Variants in GIPC2 observed in about 807,000 individuals in gnomAD.
GIPC2 encodes PDZ domain-containing protein GIPC2.
GIPC2 carries 30 observed loss-of-function variants against 30.6 expected under a neutral mutation model. That is an observed-to-expected ratio of 0.98 (90% CI 0.73 to 1.33). The LOEUF is 1.33. Among genes scored for constraint, GIPC2 ranks in the 40% most tolerant of loss-of-function variants. GIPC2 has a pLI of 0.00. For synonymous variants in GIPC2, 167 were observed against 150.0 expected (o/e 1.11, Z -0.83); for missense variants, 414 against 390.3 (o/e 1.06, Z -0.51).
At chr1:78,089,374 C>T (rs753595365) in intron 2 of GIPC2, among the ~76,000 whole-genome samples, 20 of 152,232 alleles carry the variant, frequency 1.3e-4, no homozygotes, top group Non-Finnish European at 1.9e-4. Context: ...TATAATGACA[C>T]GCTTAAAATG....
intron 3 of GIPC2, among the ~76,000 whole-genome samples, chr1:78,103,053 A>G (rs1158286098): frequency 6.6e-6 from 1 of 152,202 alleles, no homozygotes; most frequent in Non-Finnish European, 1.5e-5. Flanking sequence ...CAACCAACCT[A>G]AAAGGTGAAG....
At chr1:78,119,733 C>T (rs1258917571) in intron 4 of GIPC2, among the ~76,000 whole-genome samples, 1 of 152,092 alleles carries the variant, frequency 6.6e-6, no homozygotes, top group East Asian at 1.9e-4. Context: ...GACAGCTGGA[C>T]TCTCTCAAAA....
chr1:78,056,623 T>C (rs1661302850), intron 1 of GIPC2, among the ~76,000 whole-genome samples: 1 of 152,212 alleles, frequency 6.6e-6, no homozygotes, highest in Admixed American at 6.5e-5. Flanking sequence ...TTTTATTAAA[T>C]ATAACACAAG....
chr1:78,045,104 A>G, upstream of GIPC2: 1 of 977,480 alleles, frequency 1.0e-6, no homozygotes, highest in Non-Finnish European at 1.2e-6. Context: ...AGTAAGATAA[A>G]AACCTAAAAG....
At chr1:78,131,575 A>G (rs987513885) in intron 5 of GIPC2, among the ~76,000 whole-genome samples, 4 of 152,308 alleles carry the variant, frequency 2.6e-5, no homozygotes, top group Admixed American at 6.5e-5. Flanking sequence ...AAATAATCTT[A>G]GTGGCTATCT....
intron 1 of GIPC2, among the ~76,000 whole-genome samples, chr1:78,058,458 G>A (rs529881653): frequency 2.9e-4 from 44 of 152,100 alleles, no homozygotes; most frequent in Middle Eastern, 3.4e-3. Flanking sequence ...CACTCAGAGC[G>A]CTTATTAGGA....
upstream of GIPC2, chr1:78,045,948 C>T (rs1661058384): frequency 7.3e-7 from 1 of 1,369,570 alleles, no homozygotes; most frequent in African/African-American, 1.5e-5. Context: ...GAGGTCGGGG[C>T]CCTGACCCGA....
chr1:78,058,426 AT>A (rs909820227), intron 1 of GIPC2, among the ~76,000 whole-genome samples: 1 of 151,490 alleles, frequency 6.6e-6, no homozygotes. Flanking sequence ...CTTTTAACTG[AT>A]TTTTTTTTAA....
chr1:78,117,108 G>A (rs1280094293), intron 3 of GIPC2, among the ~76,000 whole-genome samples: 1 of 152,082 alleles, frequency 6.6e-6, no homozygotes. Context: ...TCTGACAAAG[G>A]GCTAATATGC....
intron 3 of GIPC2, among the ~76,000 whole-genome samples, chr1:78,103,933 T>G (rs1191912095): frequency 1.3e-5 from 2 of 152,214 alleles, no homozygotes; most frequent in African/African-American, 4.8e-5. Flanking sequence ...CATAAGGATA[T>G]TAGAGCTTTT....
rs76636149 is a variant in GIPC2, at chr1:78,135,847, T to A, written c.*104T>A. The stretch of plus-strand genomic sequence containing the variant: ...TTGGACACCTTTACTAACTCTGGTT[T>A]AATTTCATGTGTATGGAATATATTC... On this transcript the variant is annotated 3_prime_UTR_variant, in exon 6 of 6. Coordinates refer to ENST00000370759, the MANE Select transcript of GIPC2 (RefSeq NM_017655.6). 16,888 of 872,308 alleles carry A rather than the reference T, an allele frequency of 0.019. 233 individuals are homozygous for A. Among genetic ancestry groups the A allele is most frequent in the Middle Eastern group, 0.046 (167 of 3,624 alleles). The allele number at this position is 872,308 out of a possible 1,614,324, so 54.0% of individuals were successfully genotyped here.
At chr1:78,063,982 T>C (rs988941878) in intron 1 of GIPC2, among the ~76,000 whole-genome samples, 5 of 151,920 alleles carry the variant, frequency 3.3e-5, no homozygotes, top group African/African-American at 7.3e-5. Flanking sequence ...AAATAAGAGA[T>C]ATTAATGTTT....
intron 1 of GIPC2, among the ~76,000 whole-genome samples, chr1:78,070,979 C>T (rs2100325203): frequency 6.6e-6 from 1 of 152,212 alleles, no homozygotes; most frequent in South Asian, 2.1e-4. Context: ...GAGCTTTATA[C>T]AATATACTCA....
At chr1:78,075,021 G>T (rs760201078) in intron 1 of GIPC2, among the ~76,000 whole-genome samples, 10 of 152,186 alleles carry the variant, frequency 6.6e-5, no homozygotes, top group Non-Finnish European at 1.5e-4. Context: ...ATCCAACCCA[G>T]GATGGCTTGG....
intron 1 of GIPC2, among the ~76,000 whole-genome samples, chr1:78,066,704 T>C (rs1446210758): frequency 6.6e-6 from 1 of 152,150 alleles, no homozygotes; most frequent in Non-Finnish European, 1.5e-5. Flanking sequence ...TATGCAGCCA[T>C]AAAAAGAACA....
At chr1:78,045,405 GTC>G (rs1271443295), upstream of GIPC2, 1 of 224,214 alleles carries the variant, frequency 4.5e-6, no homozygotes, top group Non-Finnish European at 7.5e-6. Flanking sequence ...ATGAGGCAAG[GTC>G]CTCTGTAGAG....
At chr1:78,072,316 G>C (rs1661635834) in intron 1 of GIPC2, among the ~76,000 whole-genome samples, 1 of 152,202 alleles carries the variant, frequency 6.6e-6, no homozygotes, top group Non-Finnish European at 1.5e-5. Flanking sequence ...GTGGGAGCCA[G>C]TATCCAAACT....
Position 78,130,397 on chromosome 1 carries a change from G to A in GIPC2, c.796+4435G>A, listed in dbSNP as rs185223100. On this transcript the variant is annotated intron_variant, in intron 5 of 5. Coordinates refer to ENST00000370759, the MANE Select transcript of GIPC2 (RefSeq NM_017655.6). ...GATTACAGGCATGAGCTACCATGCC[G>A]GGCCAGATCACTTTCTTTTTATAGT... Among the ~76,000 whole-genome samples the A allele has an allele frequency of 3.9e-5, 6 of 152,136 alleles. No individual in the cohort carries two copies. The East Asian group carries it at 5.8e-4, about 15-fold the overall frequency.
intron 1 of GIPC2, among the ~76,000 whole-genome samples, chr1:78,073,130 G>A (rs1000490005): frequency 6.7e-6 from 1 of 149,306 alleles, no homozygotes; most frequent in African/African-American, 2.5e-5. Flanking sequence ...TTGAGACAGA[G>A]TATCACTCTG....
Sources: allele counts gnomAD v4.1 joint callset (sites outside exome capture counted in the v4.1 genomes callset), GRCh38; gene constraint gnomAD v4.1.1; transcripts MANE v1.5; gene names NCBI Gene and HGNC (gene_info 2026-07-23, HGNC 2026-07-21).